The following EIPR1 variants were observed in gnomAD, a reference collection of about 807,000 sequenced individuals.
EIPR1 encodes the protein EARP and GARP complex-interacting protein 1.
A neutral mutation model predicts 48.1 loss-of-function variants in EIPR1; 25 were observed. The observed-to-expected ratio is 0.52, with a 90% CI of 0.38 to 0.73. The LOEUF is 0.73. EIPR1 is among the 30% of genes least tolerant of loss of function. The pLI is 0.00. For synonymous variants in EIPR1, 204 were observed against 201.9 expected (o/e 1.01, Z -0.09); for missense variants, 415 against 506.2 (o/e 0.82, Z 1.73).
At chr2:3,245,521 C>T (rs1438406290) in intron 4 of EIPR1, among the ~76,000 whole-genome samples, 2 of 152,232 alleles carry the variant, frequency 1.3e-5, no homozygotes, top group Admixed American at 6.5e-5. Context: ...CCTCATTCCC[C>T]ATTTTAAATG....
At chr2:3,319,800 C>T (rs1572438136) in intron 3 of EIPR1, 1 of 158,354 alleles carries the variant, frequency 6.3e-6, no homozygotes. Context: ...CAACACCACC[C>T]CTGCGGGCAA....
At chr2:3,212,272 T>G (rs909350184) in intron 5 of EIPR1, among the ~76,000 whole-genome samples, 3 of 152,228 alleles carry the variant, frequency 2.0e-5, no homozygotes, top group African/African-American at 7.2e-5. Flanking sequence ...GCTCTGAAGA[T>G]GTGTTCACAG....
At chr2:3,268,563 T>C (rs1199578521) in intron 3 of EIPR1, among the ~76,000 whole-genome samples, 1 of 152,170 alleles carries the variant, frequency 6.6e-6, no homozygotes, top group Non-Finnish European at 1.5e-5. Flanking sequence ...ACTTAGCGCT[T>C]CTTTATACTA....
intron 3 of EIPR1, among the ~76,000 whole-genome samples, chr2:3,263,211 C>T (rs1376588843): frequency 6.6e-6 from 1 of 152,160 alleles, no homozygotes; most frequent in Non-Finnish European, 1.5e-5. Context: ...GGCAGGGCTC[C>T]CAGCACTGCT....
chr2:3,228,663 C>G (rs538228459), intron 4 of EIPR1, among the ~76,000 whole-genome samples: 11 of 152,068 alleles, frequency 7.2e-5, no homozygotes, highest in Non-Finnish European at 1.6e-4. Flanking sequence ...GATTATAATC[C>G]CCACAACCCC....
rs1313063359 is a variant in EIPR1, at chr2:3,196,970, G to A, written c.564C>T (p.Thr188=). 6.2e-7 allele frequency: 1 copy of A among 1,614,004 alleles called. No homozygotes were observed. The highest frequency in any genetic ancestry group is 8.5e-7 in the Non-Finnish European group (1 of 1,180,054). Residue 188 remains threonine (T), a synonymous_variant, in exon 6 of 9, where the codon ACC becomes ACT. Coordinates refer to ENST00000382125, the MANE Select transcript of EIPR1 (RefSeq NM_003310.5). ...SLEGKGQLKF[T]SGRWSPHHNC... ...TATGATGTGGGCTCCACCGTCCTGA[G>A]GTGAACTTCAGTTGTCCCTTCCCTT...
intron 2 of EIPR1, among the ~76,000 whole-genome samples, chr2:3,343,369 C>T (rs934543418): frequency 4.6e-5 from 7 of 152,204 alleles, no homozygotes; most frequent in Non-Finnish European, 8.8e-5. Flanking sequence ...ACAAGCAATG[C>T]GAGAAAGAAA....
chr2:3,209,755 A>G (rs561521701), intron 5 of EIPR1, among the ~76,000 whole-genome samples: 1 of 152,228 alleles, frequency 6.6e-6, no homozygotes, highest in African/African-American at 2.4e-5. Context: ...TTACTAAGGG[A>G]CAGAAACCAA....
At chr2:3,318,457 A>C (rs1416461791) in intron 3 of EIPR1, among the ~76,000 whole-genome samples, 1 of 152,218 alleles carries the variant, frequency 6.6e-6, no homozygotes, top group Non-Finnish European at 1.5e-5. Context: ...CTGCCAGATG[A>C]CACTGAATTT....
At chr2:3,264,818 G>A (rs868320494) in intron 3 of EIPR1, among the ~76,000 whole-genome samples, 14 of 152,150 alleles carry the variant, frequency 9.2e-5, no homozygotes, top group African/African-American at 3.4e-4. Flanking sequence ...CTCCTGAGTA[G>A]CTGGGATTAC....
chr2:3,269,170 G>A (rs1238238243), intron 3 of EIPR1, among the ~76,000 whole-genome samples: 2 of 152,190 alleles, frequency 1.3e-5, no homozygotes, highest in East Asian at 1.9e-4. Context: ...CAAGCCTTAA[G>A]CACAGACAGA....
In EIPR1 at chr2:3,354,594, T is replaced by C. The variant is rs1232296364; in HGVS notation, c.82A>G (p.Ile28Val). Residue 28 changes from isoleucine to valine, a missense_variant, in exon 2 of 9, where the codon ATT becomes GTT. Coordinates refer to ENST00000382125, the MANE Select transcript of EIPR1 (RefSeq NM_003310.5). ...LTPQTAETDA[I>V]RFLVGTQSLK... Reference sequence around the variant, plus strand: ...GACTGCGTCCCAACCAAAAACCGAATGGCATCTGTTTCTGCAGTTTGAGGT... The same window carrying C: ...GACTGCGTCCCAACCAAAAACCGAACGGCATCTGTTTCTGCAGTTTGAGGT... 3.1e-6 allele frequency: 5 copies of C among 1,613,992 alleles called. No individual in the cohort carries two copies. The highest frequency in any genetic ancestry group is 2.2e-5 in the South Asian group (2 of 91,080).
At chr2:3,354,847 CATTGTAAATG>C (rs1330238114) in intron 1 of EIPR1, among the ~76,000 whole-genome samples, 1 of 152,194 alleles carries the variant, frequency 6.6e-6, no homozygotes, top group Non-Finnish European at 1.5e-5. Flanking sequence ...ATATGGAAAT[CATTGTAAATG>C]GGTACAAAAT....
intron 4 of EIPR1, among the ~76,000 whole-genome samples, chr2:3,255,975 TC>T (rs1448891065): frequency 6.6e-6 from 1 of 152,164 alleles, no homozygotes; most frequent in African/African-American, 2.4e-5. Flanking sequence ...GATCCTGCAT[TC>T]GGGCGGGGAG....
rs190898541 is a variant in EIPR1 at position 3,303,073 on chromosome 2, T to C, written c.259+34944A>G. Among the ~76,000 whole-genome samples the C allele has an allele frequency of 6.8e-3, 1,043 of 152,314 alleles. 9 individuals carry two copies. The highest frequency in any genetic ancestry group is 0.024 in the African/African-American group (980 of 41,560). ...GCGCTGGCTCACAGCTGCACTCAGT[T>C]GTGGTGACAGCCAGTGCCCTTGTGT... On this transcript the variant is annotated intron_variant, in intron 3 of 8. Coordinates refer to ENST00000382125, the MANE Select transcript of EIPR1 (RefSeq NM_003310.5).
chr2:3,334,138 C>T (rs772751112), intron 3 of EIPR1, among the ~76,000 whole-genome samples: 6 of 152,192 alleles, frequency 3.9e-5, no homozygotes, highest in African/African-American at 4.8e-5. Flanking sequence ...CCCTAACAAA[C>T]GGCACACACA....
At chr2:3,282,121 A>T (rs1668031412) in intron 3 of EIPR1, among the ~76,000 whole-genome samples, 1 of 152,262 alleles carries the variant, frequency 6.6e-6, no homozygotes, top group Non-Finnish European at 1.5e-5. Flanking sequence ...CAAAGATCAA[A>T]TAAGTAAGTT....
intron 2 of EIPR1, among the ~76,000 whole-genome samples, chr2:3,346,785 G>A (rs35012172): frequency 0.067 from 10,185 of 152,194 alleles, 360 homozygotes; most frequent in African/African-American, 0.077. Flanking sequence ...GAGAGATCAG[G>A]ACTCAAAAAC....
intron 5 of EIPR1, among the ~76,000 whole-genome samples, chr2:3,204,768 A>C (rs756834447): frequency 3.0e-4 from 45 of 152,230 alleles, no homozygotes; most frequent in Non-Finnish European, 5.7e-4. Context: ...CAAGAGCCAC[A>C]GAGCTGACAA....
Sources: gnomAD v4.1 joint callset for allele counts (sites outside exome capture counted in the v4.1 genomes callset) on GRCh38, gnomAD v4.1.1 for gene constraint, MANE v1.5 for transcripts, NCBI Gene and HGNC (gene_info 2026-07-23, HGNC 2026-07-21) for gene names.